KCNMA1: variants seen among roughly 807,000 people sequenced by gnomAD.
KCNMA1 encodes Calcium-activated potassium channel subunit alpha-1.
A neutral mutation model predicts 140.0 loss-of-function variants in KCNMA1; 29 were observed. The ratio of observed to expected loss-of-function variants is 0.21; its 90% CI spans 0.15 to 0.28. The LOEUF (loss-of-function observed/expected upper bound fraction) is 0.28. KCNMA1 is among the 10% of genes least tolerant of loss of function. The pLI is 1.00. For missense variants in KCNMA1, 880 were observed against 1,602.2 expected (o/e 0.55, Z 7.70); for synonymous variants, 612 against 611.9 (o/e 1.00, Z 0.00).
downstream of KCNMA1, chr10:76,877,554 CTT>C (rs2032621207): frequency 2.0e-6 from 1 of 492,662 alleles, no homozygotes; most frequent in Non-Finnish European, 3.6e-6. Flanking sequence ...AAATCATTTT[CTT>C]TTCCAAAATA....
In KCNMA1 at chr10:76,887,182, A is replaced by T. The variant is rs202175307; in HGVS notation, c.*84T>A. The T allele has an allele frequency of 4.0e-5, 64 of 1,612,944 alleles. No individual in the cohort carries two copies. The African/African-American group carries it at 7.7e-4, about 19-fold the overall frequency. On this transcript the variant is annotated 3_prime_UTR_variant, in exon 28 of 28. Coordinates refer to ENST00000286628, the MANE Select transcript of KCNMA1 (RefSeq NM_001161352.2). The stretch of plus-strand genomic sequence containing the variant: ...AAAAAGGGGGGGACTACAGGGGAAA[A>T]CAGGGAAAGTTACTTTGTTGGAAAC...
chr10:77,473,052 G>C (rs1424609426), intron 1 of KCNMA1, among the ~76,000 whole-genome samples: 1 of 152,250 alleles, frequency 6.6e-6, no homozygotes, highest in East Asian at 1.9e-4. Flanking sequence ...CCTGCCCTGG[G>C]TCACCTCATG....
chr10:76,885,682 G>C lies in KCNMA1; in HGVS notation c.*1584C>G. The C allele has an allele frequency of 2.0e-6, 2 of 985,194 alleles. No homozygotes were observed. The highest frequency in any genetic ancestry group is 2.4e-6 in the Non-Finnish European group (2 of 829,832). 61.0% of individuals were successfully genotyped at this position (985,194 alleles called of 1,614,324 possible). ...TTTCAAATATGTATATACCAGCCTA[G>C]TCCATCCATAAGGGAAATTGGTTAT... On this transcript the variant is annotated 3_prime_UTR_variant, in exon 28 of 28. Transcript: ENST00000286628.
intron 5 of KCNMA1, among the ~76,000 whole-genome samples, chr10:77,154,525 G>T (rs1349638227): frequency 6.6e-6 from 1 of 152,154 alleles, no homozygotes; most frequent in Non-Finnish European, 1.5e-5. Flanking sequence ...GAAATGGAAA[G>T]ACTGTTGCCT....
Position 77,086,532 on chromosome 10 carries a change from A to C in KCNMA1, c.1396T>G (p.Tyr466Asp). 6.2e-7 allele frequency: 1 copy of C among 1,614,072 alleles called. No individual in the cohort carries two copies. Among genetic ancestry groups the C allele is most frequent in the Non-Finnish European group, 8.5e-7 (1 of 1,179,906 alleles). Residue 466 changes from tyrosine (Y) to aspartate (D), a missense_variant, in exon 11 of 28, where the codon TAT becomes GAT. Coordinates refer to ENST00000286628, the MANE Select transcript of KCNMA1 (RefSeq NM_001161352.2). ...TGTGGATTGAGGACGGAACCCTGAT[A>C]AAATTCCACCTGAGTAAAATGTCGT... ...FKRHFTQVEF[Y>D]QGSVLNPHDL...
chr10:77,454,160 T>G (rs4980148), intron 1 of KCNMA1, among the ~76,000 whole-genome samples: 10,514 of 152,108 alleles, frequency 0.069, 1,201 homozygotes, highest in African/African-American at 0.24. Flanking sequence ...AATCAAAAAC[T>G]ACCAGGCATT....
At position 76,928,832 on chromosome 10, in the gene KCNMA1, C is replaced by T. The variant is rs112418803; in HGVS notation, c.2903-13783G>A. Among the ~76,000 whole-genome samples, 1,342 of 152,188 alleles carry T rather than the reference C, an allele frequency of 8.8e-3. 17 individuals are homozygous for T. Among genetic ancestry groups the T allele is most frequent in the African/African-American group, 0.031 (1,289 of 41,514 alleles). ...ACACAGGCAACTCCAGAGGAGTTTGCGCCTTAAAAACTACCTAGAGTGCTA... is the reference window on the plus strand; with the variant it reads ...ACACAGGCAACTCCAGAGGAGTTTGTGCCTTAAAAACTACCTAGAGTGCTA... On this transcript the variant is annotated intron_variant, in intron 23 of 27. Coordinates refer to ENST00000286628, the MANE Select transcript of KCNMA1 (RefSeq NM_001161352.2).
chr10:77,496,896 C>T (rs1171145980), intron 1 of KCNMA1, among the ~76,000 whole-genome samples: 2 of 152,170 alleles, frequency 1.3e-5, no homozygotes, highest in Non-Finnish European at 2.9e-5. Flanking sequence ...AAGCTCTGCT[C>T]ATTGTCTTCC....
chr10:77,085,417 T>C lies in KCNMA1; in HGVS notation c.1441-698A>G, dbSNP rs1028523375. Among the ~76,000 whole-genome samples, 3 of 152,236 alleles carry C rather than the reference T, an allele frequency of 2.0e-5. No homozygotes were observed. In the East Asian group the frequency reaches 5.8e-4, roughly 29 times the overall value. On this transcript the variant is annotated intron_variant, in intron 11 of 27. Transcript: ENST00000286628. ...GACCATGAGTTTGATGTGCTAATGA[T>C]TGCTTGCATTTAAATTAGGTCCACG...
chr10:77,072,835 G>A (rs966257840), intron 14 of KCNMA1, among the ~76,000 whole-genome samples: 1 of 152,170 alleles, frequency 6.6e-6, no homozygotes, highest in African/African-American at 2.4e-5. Flanking sequence ...AGGCTTTGTT[G>A]ATAGATAAAC....
intron 1 of KCNMA1, among the ~76,000 whole-genome samples, chr10:77,612,925 C>T (rs567860308): frequency 6.6e-6 from 1 of 152,146 alleles, no homozygotes; most frequent in Non-Finnish European, 1.5e-5. Flanking sequence ...CTACTCCCCC[C>T]ACCCCCACTG....
chr10:77,064,133 T>C (rs1456357711), intron 14 of KCNMA1: 4 of 984,928 alleles, frequency 4.1e-6, no homozygotes, highest in Non-Finnish European at 4.8e-6. Flanking sequence ...AGAATCCATA[T>C]GTGATTACAG....
chr10:77,185,042 T>C (rs941335548), intron 3 of KCNMA1, 126 bp from the exon 4 acceptor site: 5 of 727,626 alleles, frequency 6.9e-6, no homozygotes, highest in Non-Finnish European at 1.2e-5. Context: ...AAGAAAACAT[T>C]TGGTCTTTCT....
chr10:77,437,170 C>T (rs764090011), intron 1 of KCNMA1, among the ~76,000 whole-genome samples: 7 of 152,150 alleles, frequency 4.6e-5, no homozygotes, highest in East Asian at 3.9e-4. Flanking sequence ...AGGGCTGCCA[C>T]GGAGCAGCAT....
At chr10:77,181,498 A>G (rs2098802193) in intron 5 of KCNMA1, among the ~76,000 whole-genome samples, 1 of 152,184 alleles carries the variant, frequency 6.6e-6, no homozygotes, top group African/African-American at 2.4e-5. Context: ...ATGACCCAAG[A>G]ACCTTAAAGA....
intron 5 of KCNMA1, among the ~76,000 whole-genome samples, chr10:77,169,223 A>AC (rs1335848309): frequency 2.0e-5 from 3 of 152,172 alleles, no homozygotes; most frequent in Non-Finnish European, 4.4e-5. Flanking sequence ...TGGCGATGGA[A>AC]CATATCTGAG....
chr10:77,076,276 A>G (rs2096394277), intron 13 of KCNMA1, among the ~76,000 whole-genome samples: 1 of 152,196 alleles, frequency 6.6e-6, no homozygotes, highest in Non-Finnish European at 1.5e-5. Context: ...TGGGAAAAAT[A>G]AAAAATCCAC....
At chr10:77,190,794 C>T (rs1459864982) in intron 3 of KCNMA1, among the ~76,000 whole-genome samples, 1 of 152,016 alleles carries the variant, frequency 6.6e-6, no homozygotes, top group African/African-American at 2.4e-5. Flanking sequence ...AAGACTGATC[C>T]CATCGGCTGA....
intron 3 of KCNMA1, among the ~76,000 whole-genome samples, chr10:77,211,335 A>G (rs2045995221): frequency 6.6e-6 from 1 of 152,210 alleles, no homozygotes; most frequent in African/African-American, 2.4e-5. Flanking sequence ...AACAAGGCTG[A>G]CAAAAACAAG....
Sources: gnomAD v4.1 joint callset for allele counts (sites outside exome capture counted in the v4.1 genomes callset) on GRCh38, gnomAD v4.1.1 for gene constraint, MANE v1.5 for transcripts, NCBI Gene and HGNC (gene_info 2026-07-23, HGNC 2026-07-21) for gene names.